The following PCDH15 variants were observed in gnomAD, a reference collection of about 807,000 sequenced individuals.
PCDH15 encodes protocadherin-15.
PCDH15 carries 129 observed loss-of-function variants against 178.5 expected under a neutral mutation model. That is an observed-to-expected ratio of 0.72 (90% CI 0.63 to 0.84). The LOEUF (loss-of-function observed/expected upper bound fraction) is 0.84. Ranked by LOEUF, PCDH15 falls within the 40% of genes least tolerant of loss-of-function variation. The pLI, the probability that PCDH15 is intolerant of heterozygous loss-of-function variation, is 0.00. For missense variants in PCDH15, 2,230 were observed against 2,099.9 expected, an observed-to-expected ratio of 1.06 and a Z score of -1.21; for synonymous variants, 800 against 732.0, an observed-to-expected ratio of 1.09 and a Z score of -1.50.
chr10:54,801,783 C>G (rs2133712300), upstream of PCDH15, among the ~76,000 whole-genome samples: 1 of 152,204 alleles, frequency 6.6e-6, no homozygotes, highest in African/African-American at 2.4e-5. Context: ...TTTACAAACA[C>G]GTGTGACTGG....
At chr10:55,334,221 C>CATATATATATATATATAT (rs34468887) in intron 2 of PCDH15, among the ~76,000 whole-genome samples, 31 of 62,820 alleles carry the variant, frequency 4.9e-4, no homozygotes, top group South Asian at 2.3e-3. Context: ...TAGGGTGCTC[C>CATATATATATATATATAT]ATATATATAT....
At chr10:55,163,338 A>G (rs1021703782) in intron 2 of PCDH15, among the ~76,000 whole-genome samples, 1 of 152,214 alleles carries the variant, frequency 6.6e-6, no homozygotes, top group African/African-American at 2.4e-5. Flanking sequence ...ATGCTGATGC[A>G]TGTATACTCC....
At chr10:54,616,248 C>T (rs2093147350) in intron 2 of PCDH15, among the ~76,000 whole-genome samples, 1 of 152,112 alleles carries the variant, frequency 6.6e-6, no homozygotes, top group Admixed American at 6.6e-5. Context: ...TGAAGAAGAG[C>T]TCTGCAAAAA....
chr10:54,794,134 T>TATATATAAG (rs1564468711), intron 1 of PCDH15, among the ~76,000 whole-genome samples: 2 of 147,470 alleles, frequency 1.4e-5, no homozygotes, highest in African/African-American at 4.9e-5. Context: ...AAGATATATA[T>TATATATAAG]ATATCTTATA....
chr10:55,007,578 A>G (rs895600814), intron 2 of PCDH15, among the ~76,000 whole-genome samples: 1 of 152,190 alleles, frequency 6.6e-6, no homozygotes, highest in African/African-American at 2.4e-5. Context: ...TTTGGGTCAC[A>G]TACTATCTAT....
At chr10:54,939,547 T>C (rs1415816572) in intron 2 of PCDH15, among the ~76,000 whole-genome samples, 1 of 149,140 alleles carries the variant, frequency 6.7e-6, no homozygotes, top group Non-Finnish European at 1.5e-5. Context: ...TTGTAGGCAT[T>C]TGGTAGTTCG....
Position 53,958,990 on chromosome 10 carries a change from A to AG in PCDH15, c.3122+741_3122+742insC, listed in dbSNP as rs1158697968. On this transcript the variant is annotated intron_variant, in intron 23 of 37. Coordinates refer to ENST00000644397, the MANE Select transcript of PCDH15 (RefSeq NM_001384140.1). ...CAAGACTCCATCTCAAAAAAAAAAA[A>AG]AAAAAAAAAAAAAAGAACAGAATTT... Among the ~76,000 whole-genome samples, 1,310 of 149,354 alleles carry AG rather than the reference A, an allele frequency of 8.8e-3. 24 individuals are homozygous for AG. The highest frequency in any genetic ancestry group is 0.028 in the African/African-American group (1,147 of 40,746).
intron 17 of PCDH15, among the ~76,000 whole-genome samples, chr10:54,067,981 T>A (rs1034508879): frequency 5.9e-5 from 9 of 152,050 alleles, no homozygotes; most frequent in East Asian, 1.9e-4. Context: ...TATTTTTTTT[T>A]ATTTTTTTAG....
At chr10:55,045,013 C>A (rs1230258110) in intron 2 of PCDH15, among the ~76,000 whole-genome samples, 1 of 152,072 alleles carries the variant, frequency 6.6e-6, no homozygotes, top group Admixed American at 6.6e-5. Context: ...GCCTGCAAAC[C>A]ATACTCATTC....
intron 32 of PCDH15, chr10:53,821,133 G>A (rs1220714363): frequency 7.2e-6 from 7 of 978,710 alleles, no homozygotes; most frequent in Non-Finnish European, 8.5e-6. Flanking sequence ...TTATAAAGAA[G>A]GGAAGGGAAA....
chr10:55,545,522 C>T (rs1027351932), intron 2 of PCDH15, among the ~76,000 whole-genome samples: 4 of 148,062 alleles, frequency 2.7e-5, no homozygotes, highest in Admixed American at 1.4e-4. Flanking sequence ...GTGATCCGCC[C>T]GCCTCAGCCT....
chr10:54,867,630 A>C (rs372371460), intron 3 of PCDH15, among the ~76,000 whole-genome samples: 49 of 152,272 alleles, frequency 3.2e-4, no homozygotes, highest in African/African-American at 1.1e-3. Flanking sequence ...CTAACTAATA[A>C]GGATAAATGT....
chr10:54,469,831 T>G (rs983511640), intron 3 of PCDH15, among the ~76,000 whole-genome samples: 23 of 152,062 alleles, frequency 1.5e-4, no homozygotes, highest in Non-Finnish European at 1.5e-5. Flanking sequence ...TGTACTGGTG[T>G]TGGTGGTGGC....
intron 7 of PCDH15, among the ~76,000 whole-genome samples, chr10:54,321,274 G>C (rs2384447): frequency 0.71 from 105,625 of 149,640 alleles, 38,025 homozygotes; most frequent in Middle Eastern, 0.8. Flanking sequence ...AGTAATCCTC[G>C]CACCTCAGCC....
At chr10:54,089,647 A>C (rs2094567796) in intron 16 of PCDH15, among the ~76,000 whole-genome samples, 3 of 152,198 alleles carry the variant, frequency 2.0e-5, no homozygotes, top group African/African-American at 7.2e-5. Flanking sequence ...CCTCCCTTTG[A>C]ATACACAGTT....
intron 2 of PCDH15, among the ~76,000 whole-genome samples, chr10:55,438,468 G>T (rs1022513682): frequency 6.6e-6 from 1 of 152,084 alleles, no homozygotes; most frequent in Non-Finnish European, 1.5e-5. Context: ...TTATTAGTCT[G>T]AAGTATAATG....
In PCDH15 at chr10:53,854,947, T is replaced by C. The variant is rs536866568; in HGVS notation, c.3806+2228A>G. 2.0e-5 allele frequency among the ~76,000 whole-genome samples: 3 copies of C among 152,192 alleles called. No individual in the cohort carries two copies. In the East Asian group the frequency reaches 5.8e-4, roughly 29 times the overall value. On this transcript the variant is annotated intron_variant, in intron 28 of 37. Coordinates refer to ENST00000644397, the MANE Select transcript of PCDH15 (RefSeq NM_001384140.1). ...CTCAAGACCTGAAAGTTACCTGATT[T>C]TTCCTATTTATATCATCCTATCTAC... is the stretch of plus-strand genomic sequence containing the variant.
intron 6 of PCDH15, among the ~76,000 whole-genome samples, chr10:54,344,031 G>T (rs1942777894): frequency 6.6e-6 from 1 of 152,086 alleles, no homozygotes; most frequent in African/African-American, 2.4e-5. Flanking sequence ...AGTAGTAGCA[G>T]AACATAAAAT....
chr10:54,448,816 A>G (rs1330039795), intron 3 of PCDH15, among the ~76,000 whole-genome samples: 1 of 151,788 alleles, frequency 6.6e-6, no homozygotes, highest in African/African-American at 2.4e-5. Flanking sequence ...GTGTCATTTA[A>G]TCAAACCCAG....
Sources: gnomAD v4.1 joint callset for allele counts (sites outside exome capture counted in the v4.1 genomes callset) on GRCh38, gnomAD v4.1.1 for gene constraint, MANE v1.5 for transcripts, NCBI Gene and HGNC (gene_info 2026-07-23, HGNC 2026-07-21) for gene names.